Variants in EXT1 observed in about 807,000 individuals in gnomAD.
The protein encoded by EXT1 is exostosin glycosyltransferase 1, also known as exostosin-1.
EXT1 carries 20 observed loss-of-function variants against 82.5 expected under a neutral mutation model. That is an observed-to-expected ratio of 0.24 (90% CI 0.17 to 0.35). The LOEUF (loss-of-function observed/expected upper bound fraction) is 0.35. EXT1 is among the 10% of genes least tolerant of loss of function. The pLI, the probability that EXT1 is intolerant of heterozygous loss-of-function variation, is 1.00. For synonymous variants in EXT1, 348 were observed against 350.8 expected (o/e 0.99, Z 0.09); for missense variants, 757 against 936.5 (o/e 0.81, Z 2.50).
rs1788056181 is a variant in EXT1 at position 117,797,891 on chromosome 8, G to A, written c.*1821C>T. On this transcript the variant is annotated 3_prime_UTR_variant, in exon 11 of 11. Coordinates refer to ENST00000378204, the MANE Select transcript of EXT1 (RefSeq NM_000127.3). ...GGGAGCTGTTCTGAGTCATGAGGCT[G>A]AGGAGAAAATCCTCTCTTTAATTGA... 6.6e-6 allele frequency: 1 copy of A among 152,226 alleles called. No individual in the cohort carries two copies. The highest frequency in any genetic ancestry group is 1.5e-5 in the Non-Finnish European group (1 of 68,054). The allele number at this position is 152,226 out of a possible 1,614,324, so 9.4% of individuals were successfully genotyped here.
intron 1 of EXT1, among the ~76,000 whole-genome samples, chr8:118,075,986 T>A (rs1356517079): frequency 1.3e-5 from 2 of 151,958 alleles, no homozygotes; most frequent in Non-Finnish European, 2.9e-5. Context: ...CCAAACTATA[T>A]CATATGATAA....
intron 7 of EXT1, among the ~76,000 whole-genome samples, chr8:117,817,812 G>A (rs1426749281): frequency 6.6e-6 from 1 of 152,172 alleles, no homozygotes; most frequent in East Asian, 1.9e-4. Flanking sequence ...GGCCTCAAAT[G>A]TTAATTGGAA....
Position 117,869,333 on chromosome 8 carries a change from G to A in EXT1, c.963-32132C>T, listed in dbSNP as rs540449380. 2.6e-5 allele frequency among the ~76,000 whole-genome samples: 4 copies of A among 152,356 alleles called. No homozygotes were observed. The East Asian group carries it at 7.7e-4, about 29-fold the overall frequency. ...AATAGTGATTTATTTGTTTGGCGCA[G>A]AGGATTGGAAGGACAAACTGTAAGC... is the stretch of plus-strand genomic sequence containing the variant. On this transcript the variant is annotated intron_variant, in intron 1 of 10. Coordinates refer to ENST00000378204, the MANE Select transcript of EXT1 (RefSeq NM_000127.3).
At position 117,799,643 on chromosome 8, in the gene EXT1, G is replaced by C; in HGVS notation, c.*69C>G. 2 of 1,556,050 alleles carry C rather than the reference G, an allele frequency of 1.3e-6. No homozygotes were observed. Among genetic ancestry groups the C allele is most frequent in the Non-Finnish European group, 1.8e-6 (2 of 1,128,010 alleles). On this transcript the variant is annotated 3_prime_UTR_variant, in exon 11 of 11. Coordinates refer to ENST00000378204, the MANE Select transcript of EXT1 (RefSeq NM_000127.3). ...TCTGGCTCTGCTGATGAGTGGATCT[G>C]CACTGGGAAGAGAGAGCAGCTTGAC...
At chr8:118,080,964 TA>T (rs1329160763) in intron 1 of EXT1, among the ~76,000 whole-genome samples, 6 of 152,148 alleles carry the variant, frequency 3.9e-5, no homozygotes, top group Non-Finnish European at 7.4e-5. Flanking sequence ...TTTGGAGGGC[TA>T]GGGGGGAGGG....
chr8:117,955,763 G>GT (rs1489872050), intron 1 of EXT1, among the ~76,000 whole-genome samples: 1 of 152,150 alleles, frequency 6.6e-6, no homozygotes, highest in Non-Finnish European at 1.5e-5. Context: ...CACCATGTTG[G>GT]CCAGGCTGGT....
At chr8:117,973,635 G>C (rs1404447477) in intron 1 of EXT1, among the ~76,000 whole-genome samples, 1 of 151,716 alleles carries the variant, frequency 6.6e-6, no homozygotes, top group Non-Finnish European at 1.5e-5. Context: ...GGGCATGGTG[G>C]TGTCTGCCTG....
rs537479235 is a variant in EXT1, at chr8:118,026,336, T to G, written c.962+83749A>C. 2.0e-5 allele frequency among the ~76,000 whole-genome samples: 3 copies of G among 152,320 alleles called. No homozygotes were observed. The East Asian group carries it at 5.8e-4, about 29-fold the overall frequency. ...AAAGGCTCAGGTTATTATTTTTTAT[T>G]TATGCAAAGTTTGTGGCATGCTGTT... On this transcript the variant is annotated intron_variant, in intron 1 of 10. Transcript: ENST00000378204.
At chr8:118,063,785 T>C (rs1816926970) in intron 1 of EXT1, among the ~76,000 whole-genome samples, 1 of 152,382 alleles carries the variant, frequency 6.6e-6, no homozygotes, top group African/African-American at 2.4e-5. Flanking sequence ...ACTTCTCAGA[T>C]CTTACATTAT....
At chr8:118,052,788 T>G (rs568893511) in intron 1 of EXT1, among the ~76,000 whole-genome samples, 2 of 152,320 alleles carry the variant, frequency 1.3e-5, no homozygotes, top group East Asian at 1.9e-4. Flanking sequence ...AAATAGCCTC[T>G]GTTTAGGATA....
chr8:117,885,707 T>G (rs553850470), intron 1 of EXT1, among the ~76,000 whole-genome samples: 9 of 152,354 alleles, frequency 5.9e-5, no homozygotes, highest in Admixed American at 3.9e-4. Context: ...GTCCTGTCTC[T>G]GTATTTTTGA....
chr8:117,944,839 T>C (rs926978426), intron 1 of EXT1, among the ~76,000 whole-genome samples: 2 of 152,170 alleles, frequency 1.3e-5, no homozygotes, highest in Non-Finnish European at 1.5e-5. Flanking sequence ...AGAACCTCTA[T>C]GGACCAGGTC....
At chr8:118,048,025 TA>T (rs61039447) in intron 1 of EXT1, among the ~76,000 whole-genome samples, 214 of 145,270 alleles carry the variant, frequency 1.5e-3, no homozygotes, top group Middle Eastern at 3.5e-3. Flanking sequence ...GAATTAATAT[TA>T]AAAAAAAAAA....
intron 1 of EXT1, among the ~76,000 whole-genome samples, chr8:118,093,547 A>G (rs1817560009): frequency 6.6e-6 from 1 of 152,146 alleles, no homozygotes; most frequent in South Asian, 2.1e-4. Flanking sequence ...TTTTTTGGAT[A>G]TGGTGAAGTT....
intron 1 of EXT1, among the ~76,000 whole-genome samples, chr8:117,949,141 A>T (rs1240181918): frequency 2.6e-5 from 4 of 152,174 alleles, no homozygotes; most frequent in Admixed American, 2.6e-4. Flanking sequence ...CAAAAATCTC[A>T]TGCTAACCCT....
At chr8:117,856,456 C>T (rs866167783) in intron 1 of EXT1, among the ~76,000 whole-genome samples, 10 of 123,734 alleles carry the variant, frequency 8.1e-5, no homozygotes, top group East Asian at 4.9e-4. Context: ...TTAGTAGAGA[C>T]GGGTTTTCAT....
intron 1 of EXT1, among the ~76,000 whole-genome samples, chr8:117,945,439 G>T (rs746903778): frequency 2.0e-5 from 3 of 152,118 alleles, no homozygotes; most frequent in Non-Finnish European, 4.4e-5. Flanking sequence ...TTGGGCAAAG[G>T]GGGGCAAGTT....
intron 1 of EXT1, among the ~76,000 whole-genome samples, chr8:118,056,424 G>C (rs1283876222): frequency 6.6e-6 from 1 of 152,102 alleles, no homozygotes; most frequent in African/African-American, 2.4e-5. Flanking sequence ...GAAATGAATG[G>C]ACTCAGTGAA....
At chr8:118,106,119 G>A (rs1006481390) in intron 1 of EXT1, among the ~76,000 whole-genome samples, 2 of 152,160 alleles carry the variant, frequency 1.3e-5, no homozygotes, top group Non-Finnish European at 2.9e-5. Context: ...CGGGAGGTGT[G>A]TGTCAGCCCC....
Sources: allele counts gnomAD v4.1 joint callset (sites outside exome capture counted in the v4.1 genomes callset), GRCh38; gene constraint gnomAD v4.1.1; transcripts MANE v1.5; gene names NCBI Gene and HGNC (gene_info 2026-07-23, HGNC 2026-07-21).